Variants in TRMT9B observed in about 807,000 individuals in gnomAD.
TRMT9B encodes probable tRNA methyltransferase 9B.
A neutral mutation model predicts 11.5 loss-of-function variants in TRMT9B; 16 were observed. The ratio of observed to expected loss-of-function variants is 1.39; its 90% CI spans 0.94 to 2.11. The LOEUF is 2.11. Among genes scored for constraint, TRMT9B ranks in the 30% most tolerant of loss-of-function variants. The probability of loss-of-function intolerance (pLI) is 0.00; values close to 1 mark genes in which losing one functional copy is unlikely to be tolerated. For synonymous variants in TRMT9B, 274 were observed against 192.4 expected (o/e 1.42, Z -3.51); for missense variants, 941 against 553.8 (o/e 1.70, Z -7.02).
chr8:12,955,850 A>T (rs1357046303), intron 1 of TRMT9B, among the ~76,000 whole-genome samples: 2 of 152,066 alleles, frequency 1.3e-5, no homozygotes, highest in Non-Finnish European at 2.9e-5. Flanking sequence ...CCCGGGCGGC[A>T]AGCTTGATGG....
chr8:12,977,856 A>AG (rs146073155), intron 1 of TRMT9B, among the ~76,000 whole-genome samples: 29,309 of 151,502 alleles, frequency 0.19, 3,514 homozygotes, highest in East Asian at 0.45. Flanking sequence ...CTCTACAAAA[A>AG]AAAAAGAAAA....
chr8:12,998,901 C>G (rs1371372132), intron 2 of TRMT9B, among the ~76,000 whole-genome samples: 1 of 152,180 alleles, frequency 6.6e-6, no homozygotes, highest in African/African-American at 2.4e-5. Context: ...TATTTGTCAA[C>G]ACATCAAATA....
At chr8:12,946,777 T>C (rs763406047) in intron 1 of TRMT9B, among the ~76,000 whole-genome samples, 1 of 152,134 alleles carries the variant, frequency 6.6e-6, no homozygotes. Context: ...ACTACTTTTT[T>C]AAAAGTTCAG....
intron 1 of TRMT9B, among the ~76,000 whole-genome samples, chr8:12,955,239 C>T (rs149344778): frequency 9.6e-4 from 146 of 152,246 alleles, no homozygotes; most frequent in South Asian, 5.6e-3. Flanking sequence ...GAGCCAGAGG[C>T]TGTCACACTT....
intron 1 of TRMT9B, among the ~76,000 whole-genome samples, chr8:12,948,133 A>C (rs1800356674): frequency 6.6e-6 from 1 of 152,202 alleles, no homozygotes; most frequent in South Asian, 2.1e-4. Flanking sequence ...AACACACCTA[A>C]CCTACTGAAC....
At chr8:12,991,630 T>C (rs905615719) in intron 2 of TRMT9B, among the ~76,000 whole-genome samples, 1 of 152,196 alleles carries the variant, frequency 6.6e-6, no homozygotes, top group African/African-American at 2.4e-5. Flanking sequence ...TATGCCTAGA[T>C]TGTACCTATA....
intron 4 of TRMT9B, among the ~76,000 whole-genome samples, chr8:13,013,863 C>T (rs985564987): frequency 6.6e-6 from 1 of 152,060 alleles, no homozygotes; most frequent in South Asian, 2.1e-4. Context: ...GCAGGAGAAT[C>T]GCTTGAACCT....
rs1813728393 is a variant in TRMT9B, at chr8:13,021,027, A to G, written c.348A>G (p.Thr116=). 2 of 1,553,666 alleles carry G rather than the reference A, an allele frequency of 1.3e-6. No homozygotes were observed. Among genetic ancestry groups the G allele is most frequent in the South Asian group, 1.2e-5 (1 of 81,792 alleles). Residue 116 remains threonine, a synonymous_variant, in exon 5 of 5, where the codon ACA becomes ACG. Transcript: ENST00000524591. The part of the protein sequence containing the change: ...ISIGVIHHFS[T]KQRRIRAIKE... ...TTTCAGTCATACATCATTTTTCTAC[A>G]AAACAAAGAAGAATCAGAGCAATAA...
chr8:12,966,608 T>A (rs1462136600), intron 1 of TRMT9B, among the ~76,000 whole-genome samples: 4 of 152,224 alleles, frequency 2.6e-5, no homozygotes, highest in African/African-American at 9.6e-5. Flanking sequence ...ACAGCATTTA[T>A]TTAAATTGGT....
intron 2 of TRMT9B, among the ~76,000 whole-genome samples, chr8:12,998,088 G>A (rs1247567751): frequency 1.3e-5 from 2 of 152,002 alleles, no homozygotes; most frequent in Non-Finnish European, 1.5e-5. Flanking sequence ...TTTCAATTGT[G>A]TTGTCTTCTA....
chr8:12,973,033 T>A (rs1006542151), intron 1 of TRMT9B, among the ~76,000 whole-genome samples: 2 of 152,164 alleles, frequency 1.3e-5, no homozygotes, highest in African/African-American at 4.8e-5. Context: ...CTGCTTTCTG[T>A]CTCTATGTAG....
chr8:12,952,458 C>T (rs1008666072), intron 1 of TRMT9B: 3 of 273,702 alleles, frequency 1.1e-5, no homozygotes, highest in Non-Finnish European at 2.2e-5. Context: ...GACAGCCATG[C>T]AGTAAGGGAT....
chr8:12,982,304 G>A (rs377586045), intron 1 of TRMT9B, among the ~76,000 whole-genome samples: 2 of 152,196 alleles, frequency 1.3e-5, no homozygotes, highest in South Asian at 2.1e-4. Flanking sequence ...TCCACACCAT[G>A]AGATCCTTGA....
chr8:13,028,275 A>G lies in TRMT9B; in HGVS notation c.*6231A>G, dbSNP rs2128907533. On this transcript the variant is annotated 3_prime_UTR_variant, in exon 5 of 5. Coordinates refer to ENST00000524591, the MANE Select transcript of TRMT9B (RefSeq NM_020844.3). The stretch of plus-strand genomic sequence containing the variant: ...ATAATCTATCTTACCAATCTGATGG[A>G]CCATTTGTAAGAGCTGTTTGTCAAA... 1 of 167,168 alleles carries G rather than the reference A, an allele frequency of 6.0e-6. No individual in the cohort carries two copies. The highest frequency in any genetic ancestry group is 1.9e-4 in the East Asian group (1 of 5,178). The allele number at this position is 167,168 out of a possible 1,614,324, so 10.4% of individuals were successfully genotyped here. A position where few individuals can be genotyped will look rare whatever the true frequency, so the allele number is the denominator to read the frequency against.
intron 2 of TRMT9B, among the ~76,000 whole-genome samples, chr8:12,998,488 ATAGAGG>A (rs1213446168): frequency 1.3e-5 from 2 of 152,258 alleles, no homozygotes; most frequent in Non-Finnish European, 2.9e-5. Flanking sequence ...GAAACTCAAG[ATAGAGG>A]TAATAGAAGT....
At chr8:12,989,579 G>A (rs1806969215) in intron 1 of TRMT9B, among the ~76,000 whole-genome samples, 1 of 152,080 alleles carries the variant, frequency 6.6e-6, no homozygotes, top group Non-Finnish European at 1.5e-5. Flanking sequence ...TTTGCCTTTG[G>A]TGGCTTATCT....
Position 13,010,455 on chromosome 8 carries a change from A to G in TRMT9B, c.155-2229A>G, listed in dbSNP as rs561505078. On this transcript the variant is annotated intron_variant, in intron 3 of 4. Transcript: ENST00000524591. ...TTGCTAGGTTTTTCCACTTAGCTAA[A>G]GTCATCAGCTGTTTGATGAATAGAC... is the stretch of plus-strand genomic sequence containing the variant. 96 of 985,172 alleles carry G rather than the reference A, an allele frequency of 9.7e-5. No individual in the cohort carries two copies. In the African/African-American group the frequency reaches 1.3e-3, roughly 13 times the overall value. The allele number at this position is 985,172 out of a possible 1,614,324, so 61.0% of individuals were successfully genotyped here. A position where few individuals can be genotyped will look rare whatever the true frequency, so the allele number is the denominator to read the frequency against.
chr8:12,998,466 G>T (rs558120471), intron 2 of TRMT9B, among the ~76,000 whole-genome samples: 1 of 152,218 alleles, frequency 6.6e-6, no homozygotes, highest in East Asian at 1.9e-4. Context: ...AGGCAAAAGT[G>T]TGGTACAGAA....
chr8:13,006,634 T>G lies in TRMT9B; in HGVS notation c.154+278T>G, dbSNP rs1366418580. The G allele has an allele frequency of 4.4e-6, 6 of 1,359,374 alleles. No individual in the cohort carries two copies. The South Asian group carries it at 6.6e-5, about 15-fold the overall frequency. 84.2% of individuals were successfully genotyped at this position (1,359,374 alleles called of 1,614,324 possible). A position where few individuals can be genotyped will look rare whatever the true frequency, so the allele number is the denominator to read the frequency against. The stretch of plus-strand genomic sequence containing the variant: ...ACAGCAGAAACTCGAGACAGTCAAG[T>G]CAGCAGCAAGTAAAAAACTTTCTCA... On this transcript the variant is annotated intron_variant, in intron 3 of 4. Coordinates refer to ENST00000524591, the MANE Select transcript of TRMT9B (RefSeq NM_020844.3).
Sources: gnomAD v4.1 joint callset for allele counts (sites outside exome capture counted in the v4.1 genomes callset) on GRCh38, gnomAD v4.1.1 for gene constraint, MANE v1.5 for transcripts, NCBI Gene and HGNC (gene_info 2026-07-23, HGNC 2026-07-21) for gene names.